Variants in TPST1 observed in about 807,000 individuals in gnomAD.
TPST1 encodes the protein tyrosylprotein sulfotransferase 1.
Under a neutral mutation model 34.8 loss-of-function variants are expected in TPST1, and 20 were observed. The observed-to-expected ratio is 0.57, with a 90% confidence interval of 0.40 to 0.84. The LOEUF (loss-of-function observed/expected upper bound fraction) is 0.84, where lower values mean the gene tolerates loss of function less well. Among genes scored for constraint, TPST1 ranks in the 40% least tolerant of loss-of-function variants. The pLI, the probability that TPST1 is intolerant of heterozygous loss-of-function variation, is 0.00. For missense variants in TPST1, 353 were observed against 455.5 expected (o/e 0.78, Z 2.05); for synonymous variants, 152 against 159.4 (o/e 0.95, Z 0.35).
rs73363492 is a variant in TPST1 at position 66,229,482 on chromosome 7, T to A, written c.-101-10843T>A. 1.4e-3 allele frequency among the ~76,000 whole-genome samples: 211 copies of A among 152,338 alleles called. 1 individual carries two copies. Among genetic ancestry groups the A allele is most frequent in the African/African-American group, 4.9e-3 (205 of 41,582 alleles). On this transcript the variant is annotated intron_variant, in intron 1 of 5. Transcript: ENST00000304842. ...GTTGTTGCACATATCAAGAGTTTGT[T>A]CCTTTTTATTGCTGAGTACTATTCC...
At chr7:66,286,155 T>C (rs960671319) in intron 2 of TPST1, among the ~76,000 whole-genome samples, 9 of 152,220 alleles carry the variant, frequency 5.9e-5, no homozygotes, top group East Asian at 1.9e-4. Flanking sequence ...CTGTCTTTTT[T>C]TTGGTAAGCA....
chr7:66,203,545 G>A (rs917165191), upstream of TPST1, among the ~76,000 whole-genome samples: 6 of 151,164 alleles, frequency 4.0e-5, no homozygotes, highest in African/African-American at 1.5e-4. Context: ...GAGTGCAGTG[G>A]CACAATCTTG....
At chr7:66,258,972 G>T (rs1210039159) in intron 2 of TPST1, among the ~76,000 whole-genome samples, 1 of 152,034 alleles carries the variant, frequency 6.6e-6, no homozygotes, top group Non-Finnish European at 1.5e-5. Context: ...TTCTGGGTTG[G>T]CAATAATTTT....
chr7:66,302,361 T>C (rs1791334126), intron 3 of TPST1, among the ~76,000 whole-genome samples: 1 of 152,172 alleles, frequency 6.6e-6, no homozygotes, highest in South Asian at 2.1e-4. Flanking sequence ...ATTAATTTAC[T>C]TTACCTCTGG....
intron 2 of TPST1, among the ~76,000 whole-genome samples, chr7:66,272,973 A>G (rs1290021063): frequency 6.6e-6 from 1 of 152,204 alleles, no homozygotes; most frequent in Non-Finnish European, 1.5e-5. Flanking sequence ...CATCCACATC[A>G]GAAAGGAAGA....
rs184196208 is a variant in TPST1, at chr7:66,277,869, C to G, written c.846-8642C>G. Among the ~76,000 whole-genome samples the G allele has an allele frequency of 8.4e-4, 128 of 151,838 alleles. 1 individual carries two copies. In the South Asian group the frequency reaches 0.013, roughly 15 times the overall value. ...ATTAGAAGAATGTTGCAGAAATAGG[C>G]TGGGTGGATCACTTGAGGTCAGGAG... is the stretch of plus-strand genomic sequence containing the variant. On this transcript the variant is annotated intron_variant, in intron 2 of 5. Coordinates refer to ENST00000304842, the MANE Select transcript of TPST1 (RefSeq NM_003596.4).
At chr7:66,341,195 T>C (rs1792229768) in intron 3 of TPST1, among the ~76,000 whole-genome samples, 1 of 152,238 alleles carries the variant, frequency 6.6e-6, no homozygotes, top group South Asian at 2.1e-4. Flanking sequence ...TGACTTTGAA[T>C]ACCACAAAGC....
At chr7:66,210,405 C>T (rs1789219171) in intron 1 of TPST1, among the ~76,000 whole-genome samples, 1 of 152,190 alleles carries the variant, frequency 6.6e-6, no homozygotes, top group Non-Finnish European at 1.5e-5. Flanking sequence ...GTGAAGTCAT[C>T]AGAAGTAGGT....
chr7:66,353,214 C>T (rs562776772), intron 4 of TPST1, among the ~76,000 whole-genome samples: 1 of 152,260 alleles, frequency 6.6e-6, no homozygotes, highest in South Asian at 2.1e-4. Flanking sequence ...ACTTGGGAGG[C>T]TGAGGGAGAA....
chr7:66,242,348 T>C (rs1489627866), intron 2 of TPST1, among the ~76,000 whole-genome samples: 1 of 152,156 alleles, frequency 6.6e-6, no homozygotes, highest in African/African-American at 2.4e-5. Context: ...ATAACACCTG[T>C]AAAAAATACT....
chr7:66,280,047 C>T (rs753449580), intron 2 of TPST1, among the ~76,000 whole-genome samples: 3 of 152,204 alleles, frequency 2.0e-5, no homozygotes, highest in Non-Finnish European at 4.4e-5. Flanking sequence ...TGACCTGCCT[C>T]CCTCCTGGGG....
chr7:66,328,886 C>CTATATATA (rs1554354127), intron 3 of TPST1, among the ~76,000 whole-genome samples: 8 of 22,094 alleles, frequency 3.6e-4, no homozygotes, highest in African/African-American at 4.7e-4. Context: ...CTCTCTCTCT[C>CTATATATA]TATATATATA....
chr7:66,200,503 T>A (rs1789023931), upstream of TPST1, among the ~76,000 whole-genome samples: 1 of 122,892 alleles, frequency 8.1e-6, no homozygotes. Flanking sequence ...CACTGCAAGC[T>A]CCGCCTCCGG....
chr7:66,335,579 C>G (rs1336057461), intron 3 of TPST1, among the ~76,000 whole-genome samples: 1 of 152,044 alleles, frequency 6.6e-6, no homozygotes, highest in African/African-American at 2.4e-5. Flanking sequence ...TCGGTGGTCA[C>G]TATAAGTCTT....
At chr7:66,303,859 G>T (rs1488686322) in intron 3 of TPST1, among the ~76,000 whole-genome samples, 2 of 152,112 alleles carry the variant, frequency 1.3e-5, no homozygotes, top group African/African-American at 4.8e-5. Context: ...AACCTTACAC[G>T]TAGAAAAAGA....
intron 3 of TPST1, among the ~76,000 whole-genome samples, chr7:66,347,059 CTTT>C (rs71051352): frequency 1.7e-3 from 104 of 59,956 alleles, no homozygotes; most frequent in African/African-American, 6.4e-3. Flanking sequence ...CTTTGCTTTT[CTTT>C]TTTTTTTTTT....
rs544716665 is a variant in TPST1 at position 66,277,929 on chromosome 7, G to A, written c.846-8582G>A. On this transcript the variant is annotated intron_variant, in intron 2 of 5. Transcript: ENST00000304842. ...AGCCTGGCCAACATGGCGAAACCCTGTCTCTACTAAAAATACAAAAATTAG... is the reference window on the plus strand; with the variant it reads ...AGCCTGGCCAACATGGCGAAACCCTATCTCTACTAAAAATACAAAAATTAG... Among the ~76,000 whole-genome samples, 127 of 151,774 alleles carry A rather than the reference G, an allele frequency of 8.4e-4. 1 individual carries two copies. In the South Asian group the frequency reaches 0.013, roughly 15 times the overall value.
intron 3 of TPST1, among the ~76,000 whole-genome samples, chr7:66,306,886 G>T (rs1395924575): frequency 6.6e-6 from 1 of 150,862 alleles, no homozygotes; most frequent in Non-Finnish European, 1.5e-5. Flanking sequence ...GCTAATTTTT[G>T]GTATTTTTAG....
chr7:66,344,630 C>G (rs1213557880), intron 3 of TPST1, among the ~76,000 whole-genome samples: 1 of 151,488 alleles, frequency 6.6e-6, no homozygotes, highest in African/African-American at 2.4e-5. Context: ...CCAAGCTGGT[C>G]TTGAACTCCT....
Sources: allele counts gnomAD v4.1 joint callset (sites outside exome capture counted in the v4.1 genomes callset), GRCh38; gene constraint gnomAD v4.1.1; transcripts MANE v1.5; gene names NCBI Gene and HGNC (gene_info 2026-07-23, HGNC 2026-07-21).